The following CYP17A1 variants were observed in gnomAD, a reference collection of about 807,000 sequenced individuals.
CYP17A1 encodes the protein cytochrome P450 family 17 subfamily A member 1.
A neutral mutation model predicts 38.5 loss-of-function variants in CYP17A1; 27 were observed. The ratio of observed to expected loss-of-function variants is 0.70; its 90% CI spans 0.52 to 0.97. The LOEUF is 0.97. Ranked by LOEUF, CYP17A1 falls within the 50% of genes least tolerant of loss-of-function variation. The pLI is 0.00. For synonymous variants in CYP17A1, 263 were observed against 253.3 expected (o/e 1.04, Z -0.36); for missense variants, 549 against 645.9 (o/e 0.85, Z 1.63).
In CYP17A1 at chr10:102,832,616, C is replaced by T. The variant is rs1844104982; in HGVS notation, c.1034G>A (p.Ser345Asn). The T allele has an allele frequency of 6.2e-7, 1 of 1,606,048 alleles. No individual in the cohort carries two copies. Among genetic ancestry groups the T allele is most frequent in the Admixed American group, 1.7e-5 (1 of 59,998 alleles). The stretch of plus-strand genomic sequence containing the variant: ...CAGCAGGAGGAGACGGTTACGGTCA[C>T]TGATAGTTGGTGTGCGGCTGAAACC... Reference protein sequence around the residue: ...NVGFSRTPTISDRNRLLLLEA... With the variant: ...NVGFSRTPTINDRNRLLLLEA... Residue 345 changes from serine (S) to asparagine (N), a missense_variant, in exon 6 of 8, where the codon AGT (serine) becomes AAT (asparagine). Ser to Asn is a conservative substitution (Grantham distance 46). This residue lies in a region of CYP17A1 where 257 missense variants were observed against 307.9 expected (regional missense o/e 0.83). Coordinates refer to ENST00000369887, the MANE Select transcript of CYP17A1 (RefSeq NM_000102.4).
chr10:102,833,395 A>G, intron 4 of CYP17A1, 187 bp from the exon 5 acceptor site: 1 of 1,097,470 alleles, frequency 9.1e-7, no homozygotes, highest in Admixed American at 2.5e-5. Flanking sequence ...TTTGGTGGAG[A>G]GGTTAGGTCT....
In CYP17A1 at chr10:102,833,113, G is replaced by T. The variant is rs1042386; in HGVS notation, c.849C>A (p.Asp283Glu). The T allele has an allele frequency of 6.2e-7, 1 of 1,614,206 alleles. No homozygotes were observed. The highest frequency in any genetic ancestry group is 8.5e-7 in the Non-Finnish European group (1 of 1,180,046). ...SDNGNAGPDQDSELLSDNHIL... is the reference protein window; with the variant it reads ...SDNGNAGPDQESELLSDNHIL... ...TGTGGTTATCTGAAAGCAGCTCTGA[G>T]TCTTGATCTGGGCCAGCATTGCCAT... The change falls in exon 5 of 8, where the codon GAC (aspartate) becomes GAA (glutamate). Residue 283 changes from aspartate to glutamate, a missense_variant. Around this residue, in one of 3 missense-constraint regions of CYP17A1, gnomAD observed 257 missense variants for 307.9 expected, o/e 0.83. Coordinates refer to ENST00000369887, the MANE Select transcript of CYP17A1 (RefSeq NM_000102.4).
chr10:102,832,942 G>T (rs750759950), intron 5 of CYP17A1, 51 bp downstream of exon 5: 1 of 1,604,872 alleles, frequency 6.2e-7, no homozygotes, highest in South Asian at 1.1e-5. Flanking sequence ...TTTCTCTGGA[G>T]CCCAGAGATT....
At chr10:102,834,276 A>C (rs896823253) in intron 3 of CYP17A1, 154 bp from the exon 4 acceptor site, 1 of 674,492 alleles carries the variant, frequency 1.5e-6, no homozygotes, top group African/African-American at 1.8e-5. Flanking sequence ...AGATGGGGAC[A>C]CAGAACGGGT....
chr10:102,832,029 A>G (rs1423597542), intron 6 of CYP17A1, among the ~76,000 whole-genome samples: 1 of 152,104 alleles, frequency 6.6e-6, no homozygotes, highest in Admixed American at 6.6e-5. Flanking sequence ...GGTGGTAGAG[A>G]CATGGAGCCA....
chr10:102,836,849 C>G (rs932747950), intron 1 of CYP17A1: 2 of 591,466 alleles, frequency 3.4e-6, no homozygotes, highest in African/African-American at 3.7e-5. Context: ...ACCTCCTGGG[C>G]AGCCTGGTAG....
At chr10:102,831,776 G>GC (rs1404990416) in intron 6 of CYP17A1, 165 bp from the exon 7 acceptor site, 1 of 1,302,738 alleles carries the variant, frequency 7.7e-7, no homozygotes, top group African/African-American at 1.5e-5. Context: ...CCTAAATCCA[G>GC]CCCTTCTCCA....
intron 4 of CYP17A1, 116 bp from the exon 5 acceptor site, chr10:102,833,324 C>G: frequency 6.3e-7 from 1 of 1,574,830 alleles, no homozygotes. Flanking sequence ...GGAAGTAGAG[C>G]AAGTCTGGGC....
Position 102,835,268 on chromosome 10 carries a change from T to C in CYP17A1, c.422A>G (p.Lys141Arg). The C allele has an allele frequency of 6.2e-7, 1 of 1,613,624 alleles. No individual in the cohort carries two copies. The highest frequency in any genetic ancestry group is 1.6e-4 in the Middle Eastern group (1 of 6,062). ...TFALFKDGDQ[K>R]LEKIICQEIS... ...CTGGCACTCACTGATCTTCTCCAGCTTCTGATCGCCATCCTTGAACAGGGC... is the reference window on the plus strand; with the variant it reads ...CTGGCACTCACTGATCTTCTCCAGCCTCTGATCGCCATCCTTGAACAGGGC... Residue 141 changes from lysine to arginine, a missense_variant, in exon 2 of 8, where the codon AAG becomes AGG. Lys to Arg is a conservative substitution (Grantham distance 26). This residue lies in a region of CYP17A1 where 289 missense variants were observed against 320.9 expected (regional missense o/e 0.90). Transcript: ENST00000369887.
At position 102,837,157 on chromosome 10, in the gene CYP17A1, C is replaced by G; in HGVS notation, c.205G>C (p.Gly69Arg). Residue 69 changes from glycine to arginine, a missense_variant, in exon 1 of 8, where the codon GGC becomes CGC. By Grantham distance (125) the Gly-to-Arg change is moderately radical. This residue lies in a region of CYP17A1 where 289 missense variants were observed against 320.9 expected (regional missense o/e 0.90). Coordinates refer to ENST00000369887, the MANE Select transcript of CYP17A1 (RefSeq NM_000102.4). Reference sequence around the variant, plus strand: ...CCGACAATCACTGTAGTCTTGGTGCCCATACGAACCGAATAGATGGGGCCA... The same window carrying G: ...CCGACAATCACTGTAGTCTTGGTGCGCATACGAACCGAATAGATGGGGCCA... ...KYGPIYSVRMGTKTTVIVGHH... is the reference protein window; with the variant it reads ...KYGPIYSVRMRTKTTVIVGHH... 6.3e-7 allele frequency: 1 copy of G among 1,593,518 alleles called. No homozygotes were observed. Among genetic ancestry groups the G allele is most frequent in the South Asian group, 1.1e-5 (1 of 90,676 alleles).
At chr10:102,835,780 G>A (rs1351225421) in intron 1 of CYP17A1, among the ~76,000 whole-genome samples, 1 of 152,196 alleles carries the variant, frequency 6.6e-6, no homozygotes, top group Admixed American at 6.5e-5. Context: ...TAGGGAGCAG[G>A]TGAGCTTGTA....
At chr10:102,832,040 C>T (rs879464739) in intron 6 of CYP17A1, among the ~76,000 whole-genome samples, 14 of 152,056 alleles carry the variant, frequency 9.2e-5, no homozygotes, top group South Asian at 4.2e-4. Context: ...CATGGAGCCA[C>T]GGGGCTGGGG....
Position 102,837,027 on chromosome 10 carries a change from G to A in CYP17A1, c.297+38C>T, listed in dbSNP as rs45473095. ...CTGAAGACCTGAACAATCCCAGGGGGTGGTGAAGGGGGCAGGGAGGAGATG... is the reference window on the plus strand; with the variant it reads ...CTGAAGACCTGAACAATCCCAGGGGATGGTGAAGGGGGCAGGGAGGAGATG... On this transcript the variant is annotated intron_variant, in intron 1 of 7. Coordinates refer to ENST00000369887, the MANE Select transcript of CYP17A1 (RefSeq NM_000102.4). 3.0e-4 allele frequency: 370 copies of A among 1,223,518 alleles called. 1 individual carries two copies. The African/African-American group carries it at 4.3e-3, about 14-fold the overall frequency. The allele number at this position is 1,223,518 out of a possible 1,614,324, so 75.8% of individuals were successfully genotyped here. A position where few individuals can be genotyped will look rare whatever the true frequency, so the allele number is the denominator to read the frequency against.
Position 102,833,721 on chromosome 10 carries a change from G to T in CYP17A1, c.753+315C>A, listed in dbSNP as rs143182389. 2.1e-3 allele frequency: 633 copies of T among 306,052 alleles called. 6 individuals carry two copies. The highest frequency in any genetic ancestry group is 0.013 in the African/African-American group (596 of 45,626). The allele number at this position is 306,052 out of a possible 1,614,324, so 19.0% of individuals were successfully genotyped here. On this transcript the variant is annotated intron_variant, in intron 4 of 7. Coordinates refer to ENST00000369887, the MANE Select transcript of CYP17A1 (RefSeq NM_000102.4). ...TCTGCCCACCTTGGCCTCCCAAAAT[G>T]TTGGGATTACAGGTGTGAGCCATCT...
chr10:102,833,392 G>A, intron 4 of CYP17A1, 184 bp from the exon 5 acceptor site: 3 of 1,154,556 alleles, frequency 2.6e-6, no homozygotes, highest in Non-Finnish European at 2.4e-6. Context: ...AAATTTGGTG[G>A]AGAGGTTAGG....
intron 5 of CYP17A1, 143 bp from the exon 6 acceptor site, chr10:102,832,823 C>G: frequency 7.0e-7 from 1 of 1,423,786 alleles, no homozygotes; most frequent in Non-Finnish European, 9.8e-7. Flanking sequence ...GCCCGGCTTC[C>G]AGAAGATGGG....
At chr10:102,836,306 A>G (rs1844160662) in intron 1 of CYP17A1, among the ~76,000 whole-genome samples, 1 of 151,794 alleles carries the variant, frequency 6.6e-6, no homozygotes, top group Non-Finnish European at 1.5e-5. Flanking sequence ...AAAATACAAA[A>G]AATTAGCGGG....
At chr10:102,837,012 G>C (rs1425648734) in intron 1 of CYP17A1, 53 bp downstream of exon 1, 1 of 1,066,822 alleles carries the variant, frequency 9.4e-7, no homozygotes, top group East Asian at 2.4e-5. Flanking sequence ...CTGAAGACCT[G>C]AACAATCCCA....
Position 102,833,137 on chromosome 10 carries a change from A to G in CYP17A1, c.825T>C (p.Asn275=), listed in dbSNP as rs756832416. ...TLMQAKMNSD[N]GNAGPDQDSE... is the part of the protein sequence containing the mutation. ...AGTCTTGATCTGGGCCAGCATTGCC[A>G]TTATCTGAGTTCATCTTGGCTTGCA... Residue 275 remains asparagine (N), a synonymous_variant, in exon 5 of 8, where the codon AAT becomes AAC. Coordinates refer to ENST00000369887, the MANE Select transcript of CYP17A1 (RefSeq NM_000102.4). The G allele has an allele frequency of 2.5e-6, 4 of 1,614,148 alleles. No homozygotes were observed. Among genetic ancestry groups the G allele is most frequent in the South Asian group, 1.1e-5 (1 of 91,090 alleles).
Sources: allele counts gnomAD v4.1 joint callset (sites outside exome capture counted in the v4.1 genomes callset), GRCh38; gene constraint gnomAD v4.1.1; regional missense constraint gnomAD v4.1.1; transcripts MANE v1.5; gene names NCBI Gene and HGNC (gene_info 2026-07-23, HGNC 2026-07-21).